Variants in RGS6 observed in about 807,000 individuals in gnomAD.
RGS6 encodes the protein regulator of G-protein signaling 6.
Under a neutral mutation model 78.5 loss-of-function variants are expected in RGS6, and 30 were observed. The ratio of observed to expected loss-of-function variants is 0.38; its 90% confidence interval spans 0.29 to 0.52. The LOEUF is 0.52. RGS6 is among the 20% of genes least tolerant of loss of function. RGS6 has a pLI of 0.85. For missense variants in RGS6, 495 were observed against 609.7 expected, an observed-to-expected ratio of 0.81 and a Z score of 1.98; for synonymous variants, 206 against 206.0, an observed-to-expected ratio of 1.00 and a Z score of 0.00.
chr14:72,586,913 T>C, the RGS6 span, among the ~76,000 whole-genome samples: 1 of 152,322 alleles, frequency 6.6e-6, no homozygotes, highest in East Asian at 1.9e-4. Context: ...GAGGCATTAG[T>C]AATATTACCT....
At chr14:72,168,855 C>CT (rs1166680580) in intron 2 of RGS6, among the ~76,000 whole-genome samples, 2 of 152,202 alleles carry the variant, frequency 1.3e-5, no homozygotes, top group East Asian at 3.9e-4. Flanking sequence ...AGGAGCCTTT[C>CT]TTGCCCCAGG....
intron 2 of RGS6, among the ~76,000 whole-genome samples, chr14:72,176,851 T>C (rs1373136541): frequency 6.6e-6 from 1 of 152,146 alleles, no homozygotes. Flanking sequence ...TTCACTTAGG[T>C]CAAGATACAG....
At chr14:71,871,931 G>T in the RGS6 span, among the ~76,000 whole-genome samples, 1 of 148,952 alleles carries the variant, frequency 6.7e-6, no homozygotes, top group Non-Finnish European at 1.5e-5. Flanking sequence ...CTCCAACATC[G>T]ATTTCCTGGA....
intron 3 of RGS6, among the ~76,000 whole-genome samples, chr14:72,407,734 C>G (rs989216487): frequency 2.6e-5 from 4 of 152,238 alleles, no homozygotes; most frequent in African/African-American, 9.6e-5. Flanking sequence ...AAATCCTCCC[C>G]CAGTACTTGA....
At chr14:72,351,245 G>A (rs1019156980) in intron 2 of RGS6, among the ~76,000 whole-genome samples, 1 of 152,114 alleles carries the variant, frequency 6.6e-6, no homozygotes, top group Non-Finnish European at 1.5e-5. Context: ...ACAAAAAGAT[G>A]TATCCTTATT....
intron 15 of RGS6, among the ~76,000 whole-genome samples, chr14:72,521,921 T>C (rs1481035973): frequency 6.6e-6 from 1 of 152,214 alleles, no homozygotes; most frequent in Admixed American, 6.5e-5. Flanking sequence ...ATGTCACTAA[T>C]ATTCTCTTTT....
chr14:72,389,414 C>T (rs1363406883), intron 3 of RGS6, among the ~76,000 whole-genome samples: 2 of 152,172 alleles, frequency 1.3e-5, no homozygotes, highest in African/African-American at 4.8e-5. Context: ...TTTGTCCTCA[C>T]CCGGCTGCTC....
intron 2 of RGS6, among the ~76,000 whole-genome samples, chr14:72,085,880 A>G (rs1256177202): frequency 7.3e-6 from 1 of 136,814 alleles, no homozygotes; most frequent in Non-Finnish European, 1.6e-5. Flanking sequence ...AAAAAAAGCC[A>G]TCAGAGGAGC....
chr14:72,240,327 TG>T (rs749734302), intron 2 of RGS6, among the ~76,000 whole-genome samples: 76 of 151,886 alleles, frequency 5.0e-4, no homozygotes, highest in Admixed American at 1.2e-3. Context: ...TTAATCGGGG[TG>T]GGGGGGATTT....
chr14:72,382,653 T>C (rs781369080), intron 3 of RGS6, among the ~76,000 whole-genome samples: 8 of 152,214 alleles, frequency 5.3e-5, no homozygotes, highest in Non-Finnish European at 8.8e-5. Flanking sequence ...CTTAGCAGCA[T>C]TGTTCGTAGC....
chr14:72,547,121 G>A (rs540471181), intron 17 of RGS6: 1,180 of 1,517,302 alleles, frequency 7.8e-4, no homozygotes, highest in Non-Finnish European at 9.9e-4. Flanking sequence ...CGGGAAGGCC[G>A]ACCACTCAGA....
chr14:72,139,857 G>C (rs1026151742), intron 2 of RGS6, among the ~76,000 whole-genome samples: 2 of 151,688 alleles, frequency 1.3e-5, no homozygotes, highest in African/African-American at 2.4e-5. Context: ...CCACCTCTTG[G>C]TATTCTGTGC....
intron 17 of RGS6, among the ~76,000 whole-genome samples, chr14:72,555,944 A>C (rs60470335): frequency 1.3e-5 from 2 of 152,092 alleles, no homozygotes; most frequent in Admixed American, 6.5e-5. Context: ...TCAAGGCCTG[A>C]GTGATTTGAA....
At chr14:71,985,816 A>G (rs1252582455) in intron 2 of RGS6, among the ~76,000 whole-genome samples, 1 of 152,204 alleles carries the variant, frequency 6.6e-6, no homozygotes, top group Non-Finnish European at 1.5e-5. Context: ...CTTCCAAGAC[A>G]TTTGCTATTT....
At chr14:71,957,329 G>C (rs889384534) in intron 1 of RGS6, among the ~76,000 whole-genome samples, 3 of 152,284 alleles carry the variant, frequency 2.0e-5, no homozygotes, top group Admixed American at 2.0e-4. Flanking sequence ...CCACAGAGCA[G>C]GGATTTGTGT....
chr14:72,034,110 T>C (rs2091327898), intron 2 of RGS6, among the ~76,000 whole-genome samples: 1 of 152,162 alleles, frequency 6.6e-6, no homozygotes, highest in African/African-American at 2.4e-5. Context: ...TTAAGATTGG[T>C]TTATTTGTTT....
chr14:72,562,273 A>G (rs1164110086), intron 17 of RGS6, 144 bp from the exon 18 acceptor site: 7 of 758,198 alleles, frequency 9.2e-6, no homozygotes, highest in Non-Finnish European at 1.3e-5. Flanking sequence ...ACACCTAGAG[A>G]TCAAATATCA....
At chr14:72,601,007 A>AGAG in the RGS6 span, among the ~76,000 whole-genome samples, 28,645 of 116,248 alleles carry the variant, frequency 0.25, 3,718 homozygotes, top group East Asian at 0.63. Context: ...AGGAGGGGGG[A>AGAG]GAGGAGGAGG....
intron 3 of RGS6, among the ~76,000 whole-genome samples, chr14:72,399,355 C>A (rs2092021267): frequency 6.6e-6 from 1 of 151,854 alleles, no homozygotes; most frequent in Non-Finnish European, 1.5e-5. Flanking sequence ...GGATTGCAAC[C>A]CCTGCCTTTT....
Sources: allele counts gnomAD v4.1 joint callset (sites outside exome capture counted in the v4.1 genomes callset), GRCh38; gene constraint gnomAD v4.1.1; transcripts MANE v1.5; gene names NCBI Gene and HGNC (gene_info 2026-07-23, HGNC 2026-07-21).